Variants in MTA1 observed in about 807,000 individuals in gnomAD.
MTA1 encodes the protein metastasis associated 1, also known as metastasis-associated protein MTA1.
In MTA1, 15 loss-of-function variants were observed where a neutral mutation model predicts 97.0. The observed-to-expected ratio is 0.15, with a 90% CI of 0.10 to 0.24. The LOEUF is 0.24. Among genes scored for constraint, MTA1 ranks in the 10% least tolerant of loss-of-function variants. The pLI is 1.00. For missense variants in MTA1, 709 were observed against 1,015.1 expected, an observed-to-expected ratio of 0.70 and a Z score of 4.10; for synonymous variants, 435 against 417.5, an observed-to-expected ratio of 1.04 and a Z score of -0.51.
At chr14:105,464,361 T>C (rs1025331318) in intron 13 of MTA1, 55 bp from the exon 14 acceptor site, 2 of 1,600,564 alleles carry the variant, frequency 1.2e-6, no homozygotes, top group Non-Finnish European at 8.5e-7. Context: ...GGGAATACTC[T>C]GACATCGCTG....
At chr14:105,458,233 G>A in intron 7 of MTA1, 37 bp from the exon 8 acceptor site, 1 of 1,588,122 alleles carries the variant, frequency 6.3e-7, no homozygotes, top group Non-Finnish European at 8.6e-7. Flanking sequence ...CGCGCCGTGG[G>A]ACCCCGTCTC....
intron 6 of MTA1, among the ~76,000 whole-genome samples, chr14:105,451,783 G>GTTTTTTTTT (rs869240296): frequency 4.8e-4 from 15 of 31,376 alleles, no homozygotes; most frequent in Non-Finnish European, 6.7e-4. Context: ...TTCTTTTTTT[G>GTTTTTTTTT]TTTTTTTTTT....
At chr14:105,468,051 G>C (rs10147179) in intron 18 of MTA1, 11 of 346,546 alleles carry the variant, frequency 3.2e-5, no homozygotes, top group Non-Finnish European at 5.2e-5. Flanking sequence ...CTGTCCTGAC[G>C]TGTAGCGGCC....
At chr14:105,425,414 C>T (rs1555421995) in intron 1 of MTA1, among the ~76,000 whole-genome samples, 1 of 152,084 alleles carries the variant, frequency 6.6e-6, no homozygotes, top group Non-Finnish European at 1.5e-5. Context: ...TAGCTGAGAC[C>T]ACAGGTGCAC....
chr14:105,441,622 G>T (rs1474363046), intron 2 of MTA1, among the ~76,000 whole-genome samples: 1 of 152,038 alleles, frequency 6.6e-6, no homozygotes, highest in Non-Finnish European at 1.5e-5. Context: ...GTGAAACTCC[G>T]TCTCTACTAA....
intron 1 of MTA1, among the ~76,000 whole-genome samples, chr14:105,434,214 A>G (rs1391462822): frequency 6.6e-6 from 1 of 152,180 alleles, no homozygotes. Flanking sequence ...CACAGCCTGG[A>G]GTATTGACTA....
At chr14:105,443,304 C>T (rs1157871713) in intron 2 of MTA1, among the ~76,000 whole-genome samples, 1 of 152,138 alleles carries the variant, frequency 6.6e-6, no homozygotes, top group African/African-American at 2.4e-5. Context: ...GGAATTCCAC[C>T]CTCGAGAACG....
chr14:105,469,899 T>C lies in MTA1; in HGVS notation c.1904T>C (p.Ile635Thr). 1 of 1,611,592 alleles carries C rather than the reference T, an allele frequency of 6.2e-7. No individual in the cohort carries two copies. The highest frequency in any genetic ancestry group is 8.5e-7 in the Non-Finnish European group (1 of 1,179,480). The change falls in exon 20 of 21, where the codon ATC becomes ACC. Residue 635 changes from isoleucine (I) to threonine (T), a missense_variant. Physicochemically the swap from Ile to Thr is moderately conservative, Grantham distance 89. Transcript: ENST00000331320. ...GKSYPTKVRL[I>T]RGGSLPPVKR... is the part of the protein sequence containing the mutation. ...TCCTACCCCACCAAAGTGCGCCTGA[T>C]CCGGGGGGGCTCCCTGCCCCCAGTC...
chr14:105,458,336 C>A lies in MTA1; in HGVS notation c.617C>A (p.Thr206Lys), dbSNP rs1338801854. 1 of 1,612,682 alleles carries A rather than the reference C, an allele frequency of 6.2e-7. No homozygotes were observed. Among genetic ancestry groups the A allele is most frequent in the African/African-American group, 1.3e-5 (1 of 74,938 alleles). ...GTGTGGGAGGCGCACAACCCACTCA[C>A]AGACAAGCAGATCGACCAGTTCCTG... ...TQVWEAHNPL[T>K]DKQIDQFLVV... Residue 206 changes from threonine (T) to lysine (K), a missense_variant, in exon 8 of 21, where the codon ACA becomes AAA. Physicochemically the swap from Thr to Lys is moderately conservative, Grantham distance 78 (BLOSUM62 -1). Transcript: ENST00000331320.
chr14:105,426,782 G>C (rs2082028441), intron 1 of MTA1, among the ~76,000 whole-genome samples: 1 of 152,226 alleles, frequency 6.6e-6, no homozygotes, highest in Non-Finnish European at 1.5e-5. Flanking sequence ...CGGGCGCGAG[G>C]CTTGCAGCAG....
chr14:105,432,460 C>G (rs1310118872), intron 1 of MTA1, among the ~76,000 whole-genome samples: 1 of 152,116 alleles, frequency 6.6e-6, no homozygotes, highest in East Asian at 1.9e-4. Context: ...AGGCTGGTCT[C>G]AAACTCCTGA....
chr14:105,466,868 C>T, intron 18 of MTA1, 126 bp downstream of exon 18: 3 of 948,644 alleles, frequency 3.2e-6, no homozygotes, highest in Non-Finnish European at 4.7e-6. Flanking sequence ...TGAGCCAGGC[C>T]ACAGCCCAGT....
At chr14:105,435,574 G>A (rs1249026328) in intron 1 of MTA1, among the ~76,000 whole-genome samples, 1 of 152,206 alleles carries the variant, frequency 6.6e-6, no homozygotes, top group Non-Finnish European at 1.5e-5. Context: ...CAGGGCAATG[G>A]CGTTCTCACT....
chr14:105,448,378 C>A (rs759217803), intron 3 of MTA1, among the ~76,000 whole-genome samples: 1 of 152,166 alleles, frequency 6.6e-6, no homozygotes, highest in South Asian at 2.1e-4. Context: ...TTCTGCTGAC[C>A]GGGACGCTGG....
chr14:105,429,752 C>T (rs868968278), intron 1 of MTA1, among the ~76,000 whole-genome samples: 4 of 50,570 alleles, frequency 7.9e-5, no homozygotes, highest in Admixed American at 3.4e-4. Context: ...TGCGCCCGGC[C>T]TTTTTTTTTT....
At position 105,464,522 on chromosome 14, in the gene MTA1, A is replaced by G; in HGVS notation, c.1299A>G (p.Pro433=). The part of the protein sequence containing the change: ...YWKKYGGLKM[P]TRLDGERPGP... Reference sequence around the variant, plus strand: ...AGAAATATGGTGGCTTGAAAATGCCAACCCGGTTAGATGGAGAGAGGCCAG... The same window carrying G: ...AGAAATATGGTGGCTTGAAAATGCCGACCCGGTTAGATGGAGAGAGGCCAG... Residue 433 remains proline, a synonymous_variant, in exon 14 of 21, where the codon CCA becomes CCG. Coordinates refer to ENST00000331320, the MANE Select transcript of MTA1 (RefSeq NM_004689.4). 1 of 1,613,270 alleles carries G rather than the reference A, an allele frequency of 6.2e-7. No homozygotes were observed. The highest frequency in any genetic ancestry group is 1.3e-5 in the African/African-American group (1 of 75,038).
chr14:105,450,176 G>A lies in MTA1; in HGVS notation c.360G>A (p.Thr120=), dbSNP rs781879759. Residue 120 remains threonine, a synonymous_variant, in exon 5 of 21, where the codon ACG becomes ACA. Transcript: ENST00000331320. ...LSRQLESLPA[T]HIRGKCSVTL... Reference sequence around the variant, plus strand: ...GGCAGCTGGAGTCTCTGCCCGCCACGCACATCAGGTAGCCCCCAGCAGCTC... The same window carrying A: ...GGCAGCTGGAGTCTCTGCCCGCCACACACATCAGGTAGCCCCCAGCAGCTC... 34 of 1,612,862 alleles carry A rather than the reference G, an allele frequency of 2.1e-5. No homozygotes were observed. Among genetic ancestry groups the A allele is most frequent in the Non-Finnish European group, 2.6e-5 (31 of 1,179,874 alleles).
intron 1 of MTA1, among the ~76,000 whole-genome samples, chr14:105,427,237 T>A (rs1212945432): frequency 1.3e-5 from 2 of 152,240 alleles, no homozygotes; most frequent in African/African-American, 4.8e-5. Flanking sequence ...AAAGCCCAAG[T>A]TGCGTGGTGC....
chr14:105,429,326 C>G (rs1356693118), intron 1 of MTA1, among the ~76,000 whole-genome samples: 10 of 152,220 alleles, frequency 6.6e-5, no homozygotes, highest in African/African-American at 2.4e-4. Flanking sequence ...TGCTCTGTCG[C>G]CCAGGCTGGA....
Sources: allele counts gnomAD v4.1 joint callset (sites outside exome capture counted in the v4.1 genomes callset), GRCh38; gene constraint gnomAD v4.1.1; transcripts MANE v1.5; gene names NCBI Gene and HGNC (gene_info 2026-07-23, HGNC 2026-07-21).